The following PTPRD variants were observed in gnomAD, a reference collection of about 807,000 sequenced individuals.
PTPRD encodes the protein protein tyrosine phosphatase receptor type D, also known as receptor-type tyrosine-protein phosphatase delta.
Under a neutral mutation model 214.5 loss-of-function variants are expected in PTPRD, and 34 were observed. That is an observed-to-expected ratio of 0.16 (90% CI 0.12 to 0.21). The LOEUF (loss-of-function observed/expected upper bound fraction) is 0.21, where lower values mean the gene tolerates loss of function less well. PTPRD is among the 10% of genes least tolerant of loss of function. The probability of loss-of-function intolerance (pLI) is 1.00; values close to 1 mark genes in which losing one functional copy is unlikely to be tolerated. For missense variants in PTPRD, 2,545 were observed against 2,398.7 expected, an observed-to-expected ratio of 1.06 and a Z score of -1.27; for synonymous variants, 1,128 against 845.7, an observed-to-expected ratio of 1.33 and a Z score of -5.79.
chr9:8,693,428 C>T (rs1416931520), intron 12 of PTPRD, among the ~76,000 whole-genome samples: 2 of 152,218 alleles, frequency 1.3e-5, no homozygotes, highest in Admixed American at 1.3e-4. Context: ...AAACTGTATC[C>T]TAGCAACTCA....
intron 7 of PTPRD, among the ~76,000 whole-genome samples, chr9:9,685,179 T>A (rs772009635): frequency 6.6e-6 from 1 of 151,328 alleles, no homozygotes; most frequent in Non-Finnish European, 1.5e-5. Flanking sequence ...AGATAAAATG[T>A]GAAAAATAAA....
chr9:10,297,807 T>A (rs1438356423), intron 3 of PTPRD, among the ~76,000 whole-genome samples: 1 of 152,144 alleles, frequency 6.6e-6, no homozygotes, highest in African/African-American at 2.4e-5. Context: ...ACAGTAAGTA[T>A]CTGCTTGAAT....
chr9:10,272,546 A>G (rs989744217), intron 3 of PTPRD, among the ~76,000 whole-genome samples: 5 of 152,152 alleles, frequency 3.3e-5, no homozygotes, highest in African/African-American at 1.2e-4. Flanking sequence ...TTCTTCATGT[A>G]ATTTTCATTC....
intron 2 of PTPRD, among the ~76,000 whole-genome samples, chr9:10,419,476 T>C (rs2098526138): frequency 6.6e-6 from 1 of 151,876 alleles, no homozygotes. Flanking sequence ...TTAAAAAGAC[T>C]GAGATAAAGA....
Position 8,485,927 on chromosome 9 carries a change from G to T in PTPRD, c.2890C>A (p.Pro964Thr), listed in dbSNP as rs200281060. The change falls in exon 28 of 46, where the codon CCC becomes ACC. Residue 964 changes from proline to threonine, a missense_variant. Coordinates refer to ENST00000381196, the MANE Select transcript of PTPRD (RefSeq NM_002839.4). ...YTLLYRDINI[P>T]LLPMEQLIVP... ...ATAAGCTGCTCCATCGGGAGAAGGG[G>T]GATGTTGATATCCCTATAAAGAAGG... 1.2e-6 allele frequency: 2 copies of T among 1,614,190 alleles called. No individual in the cohort carries two copies. The highest frequency in any genetic ancestry group is 3.3e-5 in the Admixed American group (2 of 60,028).
chr9:10,389,362 AG>A (rs2098005282), intron 2 of PTPRD, among the ~76,000 whole-genome samples: 1 of 151,888 alleles, frequency 6.6e-6, no homozygotes, highest in Non-Finnish European at 1.5e-5. Flanking sequence ...TTCTTATCAG[AG>A]TGCTATTTTA....
chr9:8,930,039 C>T (rs2098940852), intron 11 of PTPRD, among the ~76,000 whole-genome samples: 1 of 151,402 alleles, frequency 6.6e-6, no homozygotes, highest in Non-Finnish European at 1.5e-5. Flanking sequence ...TATACATGTA[C>T]CATGTTGGTG....
chr9:10,520,357 A>G (rs931426940), intron 2 of PTPRD, among the ~76,000 whole-genome samples: 2 of 152,170 alleles, frequency 1.3e-5, no homozygotes, highest in Non-Finnish European at 2.9e-5. Context: ...TCTTAATCCT[A>G]CAAAGACTAA....
chr9:9,103,480 T>C (rs2099794151), intron 10 of PTPRD, among the ~76,000 whole-genome samples: 1 of 152,178 alleles, frequency 6.6e-6, no homozygotes, highest in Non-Finnish European at 1.5e-5. Context: ...GATGAACTTA[T>C]ATATGTTAAA....
At chr9:8,442,836 C>G (rs966906523) in intron 34 of PTPRD, among the ~76,000 whole-genome samples, 2 of 151,960 alleles carry the variant, frequency 1.3e-5, no homozygotes, top group African/African-American at 4.8e-5. Flanking sequence ...TAATTTGTGA[C>G]TGGGGATCAT....
Position 10,133,548 on chromosome 9 carries a change from A to AGTTCT in PTPRD, c.-544-99759_-544-99758insAGAAC, listed in dbSNP as rs1554705138. On this transcript the variant is annotated intron_variant, in intron 3 of 45. Transcript: ENST00000381196. ...GCACAAATAACATAAATAACTTAAA[A>AGTTCT]GGTCTGTCTACCAGAATGTAAACTA... Among the ~76,000 whole-genome samples, 3 of 152,008 alleles carry AGTTCT rather than the reference A, an allele frequency of 2.0e-5. No individual in the cohort carries two copies. The East Asian group carries it at 5.8e-4, about 29-fold the overall frequency.
At chr9:8,647,083 G>T (rs770867566) in intron 12 of PTPRD, among the ~76,000 whole-genome samples, 1 of 152,208 alleles carries the variant, frequency 6.6e-6, no homozygotes, top group Non-Finnish European at 1.5e-5. Flanking sequence ...GAAGCCCTAA[G>T]CTGGCAAATG....
intron 3 of PTPRD, among the ~76,000 whole-genome samples, chr9:10,155,801 G>T (rs1028751942): frequency 2.0e-5 from 3 of 151,996 alleles, no homozygotes; most frequent in Admixed American, 2.0e-4. Flanking sequence ...AGCCTACTTG[G>T]TTGTGGTGGA....
At chr9:9,255,405 T>C (rs924995914) in intron 9 of PTPRD, among the ~76,000 whole-genome samples, 4 of 152,146 alleles carry the variant, frequency 2.6e-5, no homozygotes, top group African/African-American at 9.6e-5. Context: ...AGGAGAGGTA[T>C]GGATAATAAA....
intron 7 of PTPRD, among the ~76,000 whole-genome samples, chr9:9,601,864 G>A (rs143498575): frequency 5.7e-4 from 86 of 152,116 alleles, no homozygotes; most frequent in African/African-American, 2.0e-3. Context: ...AACAAATAGG[G>A]CTAAAGAGGA....
intron 9 of PTPRD, among the ~76,000 whole-genome samples, chr9:9,226,224 T>C (rs1297547573): frequency 4.0e-5 from 6 of 151,698 alleles, no homozygotes; most frequent in Non-Finnish European, 2.9e-5. Context: ...TTCAGGGAAA[T>C]CTAGTAGGCA....
chr9:9,947,354 T>TAA (rs1199627448), intron 4 of PTPRD, among the ~76,000 whole-genome samples: 6 of 56,036 alleles, frequency 1.1e-4, no homozygotes, highest in East Asian at 1.1e-3. Flanking sequence ...ATAATATATA[T>TAA]TATATATATT....
chr9:8,505,637 A>G (rs1482901616), intron 22 of PTPRD, among the ~76,000 whole-genome samples: 1 of 150,616 alleles, frequency 6.6e-6, no homozygotes, highest in Admixed American at 6.6e-5. Flanking sequence ...AAAAAAAAAA[A>G]AAAAAAAAGA....
chr9:9,428,234 AAAC>A (rs1157207851), intron 8 of PTPRD, among the ~76,000 whole-genome samples: 1 of 149,104 alleles, frequency 6.7e-6, no homozygotes, highest in East Asian at 1.9e-4. Flanking sequence ...AGCAAATGGA[AAAC>A]AAAAAAAAAG....
Sources: gnomAD v4.1 joint callset for allele counts (sites outside exome capture counted in the v4.1 genomes callset) on GRCh38, gnomAD v4.1.1 for gene constraint, MANE v1.5 for transcripts, NCBI Gene and HGNC (gene_info 2026-07-23, HGNC 2026-07-21) for gene names.